Variants in DAPK3 observed in about 807,000 individuals in gnomAD.
DAPK3 encodes the protein death associated protein kinase 3.
DAPK3 carries 24 observed loss-of-function variants against 30.6 expected under a neutral mutation model. That is an observed-to-expected ratio of 0.78 (90% confidence interval 0.57 to 1.10). The LOEUF (loss-of-function observed/expected upper bound fraction) is 1.10, where lower values mean the gene tolerates loss of function less well. Ranked by LOEUF, DAPK3 falls within the 50% of genes least tolerant of loss-of-function variation. The pLI, the probability that DAPK3 is intolerant of heterozygous loss-of-function variation, is 0.00. For missense variants in DAPK3, 629 were observed against 657.3 expected (o/e 0.96, Z 0.47); for synonymous variants, 341 against 284.0 (o/e 1.20, Z -2.02).
rs1376326104 is a variant in DAPK3, at chr19:3,959,192, T to G, written c.1274A>C (p.Lys425Thr). Residue 425 changes from lysine to threonine, a missense_variant, in exon 9 of 9, where the codon AAG becomes ACG. This residue lies in a region of DAPK3 where 323 missense variants were observed against 278.8 expected (regional missense o/e 1.16). Coordinates refer to ENST00000545797, the MANE Select transcript of DAPK3 (RefSeq NM_001348.3). ...RLENRYEALA[K>T]QVASEMRFVQ... ...GAAGCGCATCTCGGAGGCTACTTGC[T>G]TGGCCAGCGCCTCGTAGCGGTTCTC... The G allele has an allele frequency of 6.3e-7, 1 of 1,599,294 alleles. No individual in the cohort carries two copies. Among genetic ancestry groups the G allele is most frequent in the African/African-American group, 1.3e-5 (1 of 74,818 alleles).
chr19:3,961,241 G>C, intron 6 of DAPK3, 80 bp from the exon 7 acceptor site: 6 of 1,196,632 alleles, frequency 5.0e-6, no homozygotes, highest in Non-Finnish European at 7.3e-6. Context: ...CCCACGACAG[G>C]CGGAGCACAG....
chr19:3,967,266 T>G (rs2039587875), intron 2 of DAPK3, among the ~76,000 whole-genome samples: 1 of 150,122 alleles, frequency 6.7e-6, no homozygotes, highest in Non-Finnish European at 1.5e-5. Flanking sequence ...CTGACCAACA[T>G]AGTGAAAGCC....
chr19:3,966,255 G>C (rs1387260449), intron 2 of DAPK3, among the ~76,000 whole-genome samples: 3 of 152,100 alleles, frequency 2.0e-5, no homozygotes, highest in Admixed American at 6.6e-5. Context: ...GGGTTCCTGC[G>C]TGCCTACCTC....
chr19:3,963,172 C>T (rs1240913497), intron 6 of DAPK3, among the ~76,000 whole-genome samples: 1 of 151,708 alleles, frequency 6.6e-6, no homozygotes, highest in Non-Finnish European at 1.5e-5. Flanking sequence ...ACTCAGGAGG[C>T]TGAGGTGGGA....
intron 2 of DAPK3, among the ~76,000 whole-genome samples, chr19:3,965,406 G>C (rs975179203): frequency 2.6e-5 from 4 of 152,194 alleles, no homozygotes; most frequent in Non-Finnish European, 5.9e-5. Context: ...AACTTGAGCT[G>C]AGGAGTTCAA....
intron 7 of DAPK3, 148 bp downstream of exon 7, chr19:3,960,861 G>T: frequency 3.0e-6 from 2 of 667,822 alleles, no homozygotes; most frequent in Non-Finnish European, 4.8e-6. Flanking sequence ...CAGTTTATCA[G>T]TTTACTCTCT....
At chr19:3,960,836 G>C (rs1039448156) in intron 7 of DAPK3, among the ~76,000 whole-genome samples, 173 bp downstream of exon 7, 1 of 150,672 alleles carries the variant, frequency 6.6e-6, no homozygotes, top group African/African-American at 2.4e-5. Flanking sequence ...CATGGCAATG[G>C]CCAGCTTGGG....
intron 4 of DAPK3, 73 bp downstream of exon 4, chr19:3,964,171 C>A: frequency 1.5e-6 from 2 of 1,346,290 alleles, no homozygotes; most frequent in Non-Finnish European, 2.1e-6. Flanking sequence ...CCGGGCATGA[C>A]CCACCCCACG....
In DAPK3 at chr19:3,964,760, G is replaced by A. The variant is rs775587396; in HGVS notation, c.294C>T (p.Gly98=). ...CCGCCAGGAAGTCAAAGAGCTCCCC[G>A]CCAGAGACCAGCTCCAGGATGAGGA... is the stretch of plus-strand genomic sequence containing the variant. ...DVVLILELVS[G]GELFDFLAEK... The change falls in exon 3 of 9, where the codon GGC becomes GGT. Residue 98 remains glycine (G), a synonymous_variant. Transcript: ENST00000545797. 2.5e-6 allele frequency: 4 copies of A among 1,611,832 alleles called. No homozygotes were observed. The highest frequency in any genetic ancestry group is 2.2e-5 in the East Asian group (1 of 44,788).
intron 2 of DAPK3, among the ~76,000 whole-genome samples, chr19:3,965,383 G>A (rs976529164): frequency 1.3e-5 from 2 of 152,210 alleles, no homozygotes; most frequent in Admixed American, 6.5e-5. Context: ...TTGGGAGTTC[G>A]AGGAGGGCAG....
At chr19:3,963,109 A>T (rs1459049691) in intron 6 of DAPK3, among the ~76,000 whole-genome samples, 1 of 151,986 alleles carries the variant, frequency 6.6e-6, no homozygotes, top group East Asian at 1.9e-4. Context: ...CCATCAAAAA[A>T]AAAAAAAAGT....
chr19:3,968,424 G>A (rs966659533), intron 2 of DAPK3, among the ~76,000 whole-genome samples: 2 of 151,806 alleles, frequency 1.3e-5, no homozygotes, highest in Non-Finnish European at 2.9e-5. Context: ...GCAATGAGTC[G>A]AGATCGCATC....
At position 3,958,522 on chromosome 19, in the gene DAPK3, G is replaced by A. The variant is rs1398796185; in HGVS notation, c.*579C>T. ...CTCTTGCCTAGGCGTCCACAGGCGC[G>A]ACGATGGGGCTCGCGGAGGAGTCCG... On this transcript the variant is annotated 3_prime_UTR_variant, in exon 9 of 9. Coordinates refer to ENST00000545797, the MANE Select transcript of DAPK3 (RefSeq NM_001348.3). The A allele has an allele frequency of 2.2e-6, 1 of 456,566 alleles. No individual in the cohort carries two copies. The highest frequency in any genetic ancestry group is 2.3e-5 in the Admixed American group (1 of 42,560). 28.3% of individuals were successfully genotyped at this position (456,566 alleles called of 1,614,324 possible). A position where few individuals can be genotyped will look rare whatever the true frequency, so the allele number is the denominator to read the frequency against.
At position 3,959,004 on chromosome 19, in the gene DAPK3, C is replaced by G; in HGVS notation, c.*97G>C. 1 of 793,762 alleles carries G rather than the reference C, an allele frequency of 1.3e-6. No individual in the cohort carries two copies. The highest frequency in any genetic ancestry group is 1.8e-5 in the African/African-American group (1 of 55,596). The allele number at this position is 793,762 out of a possible 1,614,324, so 49.2% of individuals were successfully genotyped here. Reference sequence around the variant, plus strand: ...CCAGCCTGGTGGCGCTGGGCAAGGACAGGCACCCGGGCGATGGGAGGCGCA... The same window carrying G: ...CCAGCCTGGTGGCGCTGGGCAAGGAGAGGCACCCGGGCGATGGGAGGCGCA... On this transcript the variant is annotated 3_prime_UTR_variant, in exon 9 of 9. Coordinates refer to ENST00000545797, the MANE Select transcript of DAPK3 (RefSeq NM_001348.3).
intron 6 of DAPK3, among the ~76,000 whole-genome samples, chr19:3,962,244 G>A (rs926274111): frequency 4.3e-4 from 66 of 152,354 alleles, no homozygotes; most frequent in African/African-American, 1.4e-3. Flanking sequence ...TAAACTGAAG[G>A]AGGAGGAAGC....
chr19:3,968,961 AAT>A (rs1260567766), intron 2 of DAPK3, among the ~76,000 whole-genome samples: 2 of 152,254 alleles, frequency 1.3e-5, no homozygotes, highest in Non-Finnish European at 2.9e-5. Context: ...ACAGGCAGGA[AAT>A]CAGCTGCCTC....
At chr19:3,968,092 C>T (rs937774856) in intron 2 of DAPK3, among the ~76,000 whole-genome samples, 1 of 152,178 alleles carries the variant, frequency 6.6e-6, no homozygotes, top group Admixed American at 6.5e-5. Flanking sequence ...CCTCCCAAAG[C>T]GCTAGAATTA....
In DAPK3 at chr19:3,960,911, G is replaced by A. The variant is rs576017251; in HGVS notation, c.782+98C>T. ...AAGCAATGTCTGATCCCCAGCCGCA[G>A]GGAGGTGGCGCTGGGAGGAGAGTCC... On this transcript the variant is annotated intron_variant, in intron 7 of 8. Transcript: ENST00000545797. 3.1e-6 allele frequency: 4 copies of A among 1,303,828 alleles called. No homozygotes were observed. In the African/African-American group the frequency reaches 5.8e-5, roughly 19 times the overall value. The allele number at this position is 1,303,828 out of a possible 1,614,324, so 80.8% of individuals were successfully genotyped here.
chr19:3,966,416 CAA>C (rs766522533), intron 2 of DAPK3, among the ~76,000 whole-genome samples: 2 of 152,154 alleles, frequency 1.3e-5, no homozygotes, highest in Non-Finnish European at 2.9e-5. Flanking sequence ...CCTTCCAGCC[CAA>C]AGAGACCGGT....
Sources: allele counts gnomAD v4.1 joint callset (sites outside exome capture counted in the v4.1 genomes callset), GRCh38; gene constraint gnomAD v4.1.1; regional missense constraint gnomAD v4.1.1; transcripts MANE v1.5; gene names NCBI Gene and HGNC (gene_info 2026-07-23, HGNC 2026-07-21).